The following DPP6 variants were observed in gnomAD, a reference collection of about 807,000 sequenced individuals.
DPP6 encodes the protein dipeptidyl peptidase like 6, also known as A-type potassium channel modulatory protein DPP6.
A neutral mutation model predicts 122.6 loss-of-function variants in DPP6; 69 were observed. The observed-to-expected ratio is 0.56, with a 90% CI of 0.46 to 0.69. The LOEUF (loss-of-function observed/expected upper bound fraction) is 0.69, where lower values mean the gene tolerates loss of function less well. Among genes scored for constraint, DPP6 ranks in the 30% least tolerant of loss-of-function variants. The pLI is 0.00. For synonymous variants in DPP6, 418 were observed against 433.1 expected, an observed-to-expected ratio of 0.97 and a Z score of 0.43; for missense variants, 928 against 1,116.9, an observed-to-expected ratio of 0.83 and a Z score of 2.41.
chr7:154,623,645 G>GCACACACGCACCCACGCGCGCGCA (rs1554413289), intron 5 of DPP6, among the ~76,000 whole-genome samples: 4 of 62,834 alleles, frequency 6.4e-5, no homozygotes, highest in Admixed American at 1.5e-4. Context: ...GCACACACGC[G>GCACACACGCACCCACGCGCGCGCA]CACACACGCG....
At chr7:154,367,953 C>G (rs1034059561) in intron 1 of DPP6, among the ~76,000 whole-genome samples, 7 of 152,118 alleles carry the variant, frequency 4.6e-5, no homozygotes, top group African/African-American at 1.4e-4. Context: ...ATTACAGGCA[C>G]CTGCCACCAC....
intron 5 of DPP6, among the ~76,000 whole-genome samples, chr7:154,592,353 G>A (rs1832851855): frequency 6.6e-6 from 1 of 152,174 alleles, no homozygotes; most frequent in Non-Finnish European, 1.5e-5. Context: ...CACATGAAAT[G>A]TCAGCCTTTT....
Position 154,607,695 on chromosome 7 carries a change from T to C in DPP6, c.628-30126T>C, listed in dbSNP as rs1833642710. On this transcript the variant is annotated intron_variant, in intron 5 of 25. Transcript: ENST00000377770. Reference sequence around the variant, plus strand: ...AACAGAAAACATGAACTTATTATAGTCCTGTAAATGTATTTTCTTTTCCTT... The same window carrying C: ...AACAGAAAACATGAACTTATTATAGCCCTGTAAATGTATTTTCTTTTCCTT... Among the ~76,000 whole-genome samples the C allele has an allele frequency of 1.7e-5, 2 of 117,924 alleles. 1 individual carries two copies. The highest frequency in any genetic ancestry group is 3.8e-5 in the Non-Finnish European group (2 of 52,910). The allele number at this position is 117,924 out of a possible 152,430, so 77.4% of individuals were successfully genotyped here.
At chr7:154,495,677 A>C (rs1371820297) in intron 3 of DPP6, among the ~76,000 whole-genome samples, 2 of 152,186 alleles carry the variant, frequency 1.3e-5, no homozygotes, top group African/African-American at 2.4e-5. Context: ...GGTGTGAGCC[A>C]CTGCGGCCGG....
At chr7:154,739,418 G>A (rs186174303) in intron 8 of DPP6, among the ~76,000 whole-genome samples, 5 of 152,302 alleles carry the variant, frequency 3.3e-5, no homozygotes, top group Admixed American at 2.0e-4. Flanking sequence ...CAGCTGAGGG[G>A]ACGCCAGGGG....
chr7:154,148,220 C>T (rs1313015406), intron 1 of DPP6, among the ~76,000 whole-genome samples: 1 of 113,014 alleles, frequency 8.8e-6, no homozygotes, highest in Admixed American at 8.4e-5. Context: ...CCCCGTCTGA[C>T]TCACACCTGA....
intron 1 of DPP6, among the ~76,000 whole-genome samples, chr7:154,200,775 A>C (rs1799129491): frequency 6.6e-6 from 1 of 152,198 alleles, no homozygotes; most frequent in African/African-American, 2.4e-5. Flanking sequence ...CGGAAATGCA[A>C]GGTAGCAAAG....
At chr7:153,748,928 G>A in the DPP6 span, among the ~76,000 whole-genome samples, 1 of 151,476 alleles carries the variant, frequency 6.6e-6, no homozygotes, top group East Asian at 2.0e-4. Flanking sequence ...GAGAATCTGG[G>A]CCCCTCAACT....
intron 3 of DPP6, among the ~76,000 whole-genome samples, chr7:154,518,314 T>A (rs548725807): frequency 6.6e-6 from 1 of 152,346 alleles, no homozygotes; most frequent in African/African-American, 2.4e-5. Flanking sequence ...GTCCTGATGA[T>A]TCAAGCTTAG....
intron 1 of DPP6, among the ~76,000 whole-genome samples, chr7:154,147,994 G>A (rs1333464613): frequency 6.8e-3 from 1,015 of 149,194 alleles, no homozygotes; most frequent in African/African-American, 0.025. Flanking sequence ...TCCCACTCCC[G>A]ATCACACTTG....
chr7:154,238,262 A>G (rs1002122831), intron 1 of DPP6, among the ~76,000 whole-genome samples: 1 of 152,210 alleles, frequency 6.6e-6, no homozygotes, highest in Non-Finnish European at 1.5e-5. Context: ...GCTGAGCCCA[A>G]GAATATTATT....
chr7:154,542,733 T>G (rs1828831730), intron 4 of DPP6, among the ~76,000 whole-genome samples: 1 of 152,224 alleles, frequency 6.6e-6, no homozygotes. Flanking sequence ...GCCTAATGGA[T>G]TCATTATTCC....
intron 1 of DPP6, among the ~76,000 whole-genome samples, chr7:154,007,926 TC>T (rs1210568204): frequency 6.6e-6 from 1 of 152,116 alleles, no homozygotes; most frequent in East Asian, 1.9e-4. Context: ...TAGCCCGTAT[TC>T]CGTTGGCCTG....
intron 10 of DPP6, among the ~76,000 whole-genome samples, chr7:154,781,832 A>C (rs1797049085): frequency 6.6e-6 from 1 of 152,214 alleles, no homozygotes; most frequent in South Asian, 2.1e-4. Flanking sequence ...CTTTACTGCC[A>C]CACAACTGTC....
intron 1 of DPP6, among the ~76,000 whole-genome samples, chr7:154,150,776 T>C (rs973979334): frequency 1.2e-4 from 18 of 152,200 alleles, no homozygotes; most frequent in African/African-American, 4.3e-4. Flanking sequence ...CATTTATTCA[T>C]GCAGACGCGG....
chr7:154,709,305 A>G (rs975078374), intron 7 of DPP6, among the ~76,000 whole-genome samples: 4 of 152,194 alleles, frequency 2.6e-5, no homozygotes, highest in African/African-American at 9.7e-5. Flanking sequence ...TCTGTGTCTC[A>G]AGTAGCTAGG....
intron 1 of DPP6, among the ~76,000 whole-genome samples, chr7:154,317,556 T>C (rs1807545243): frequency 1.3e-5 from 2 of 152,178 alleles, no homozygotes; most frequent in African/African-American, 4.8e-5. Context: ...AGTGATACTA[T>C]TGGGAATCTG....
chr7:154,043,393 C>CAAAAAAAAAAAAAAAAAAAAAAA (rs58641655), intron 1 of DPP6, among the ~76,000 whole-genome samples: 2 of 5,904 alleles, frequency 3.4e-4, no homozygotes, highest in Non-Finnish European at 6.4e-4. Context: ...AACTCCATCT[C>CAAAAAAAAAAAAAAAAAAAAAAA]AAAAAAAAAA....
intron 17 of DPP6, among the ~76,000 whole-genome samples, chr7:154,861,405 A>G (rs1337385571): frequency 6.6e-6 from 1 of 152,190 alleles, no homozygotes. Flanking sequence ...TGGCAATTTG[A>G]TACTTACCAC....
Sources: gnomAD v4.1 joint callset for allele counts (sites outside exome capture counted in the v4.1 genomes callset) on GRCh38, gnomAD v4.1.1 for gene constraint, MANE v1.5 for transcripts, NCBI Gene and HGNC (gene_info 2026-07-23, HGNC 2026-07-21) for gene names.